The following RHBDL3 variants were observed in gnomAD, a reference collection of about 807,000 sequenced individuals.
The protein encoded by RHBDL3 is rhomboid-related protein 3.
A neutral mutation model predicts 48.2 loss-of-function variants in RHBDL3; 28 were observed. The ratio of observed to expected loss-of-function variants is 0.58; its 90% confidence interval spans 0.43 to 0.80. The LOEUF (loss-of-function observed/expected upper bound fraction) is 0.80, where lower values mean the gene tolerates loss of function less well. RHBDL3 is among the 30% of genes least tolerant of loss of function. The pLI, the probability that RHBDL3 is intolerant of heterozygous loss-of-function variation, is 0.00. For missense variants in RHBDL3, 464 were observed against 542.7 expected, an observed-to-expected ratio of 0.85 and a Z score of 1.44; for synonymous variants, 208 against 232.3, an observed-to-expected ratio of 0.90 and a Z score of 0.95.
rs1156824738 is a variant in RHBDL3, at chr17:32,295,908, G to A, written c.668+1466G>A. On this transcript the variant is annotated intron_variant, in intron 5 of 8. Transcript: ENST00000269051. Reference sequence around the variant, plus strand: ...AAGATGTAGTCACAGGTAGTATAGGGAGGAAGGTGTTCACAGGGTCAGAAA... The same window carrying A: ...AAGATGTAGTCACAGGTAGTATAGGAAGGAAGGTGTTCACAGGGTCAGAAA... Among the ~76,000 whole-genome samples, 5 of 152,318 alleles carry A rather than the reference G, an allele frequency of 3.3e-5. No individual in the cohort carries two copies. In the East Asian group the frequency reaches 5.8e-4, roughly 18 times the overall value.
Position 32,266,113 on chromosome 17 carries a change from C to A in RHBDL3, c.-77C>A. 2.5e-6 allele frequency: 1 copy of A among 397,898 alleles called. No individual in the cohort carries two copies. Among genetic ancestry groups the A allele is most frequent in the Non-Finnish European group, 3.5e-6 (1 of 287,406 alleles). 24.6% of individuals were successfully genotyped at this position (397,898 alleles called of 1,614,324 possible). A position where few individuals can be genotyped will look rare whatever the true frequency, so the allele number is the denominator to read the frequency against. ...GCACTGAGCCCCTGGAGCGGCGCGGCCGCCGCGGCGCAAAGTTAGCCCGGC... is the reference window on the plus strand; with the variant it reads ...GCACTGAGCCCCTGGAGCGGCGCGGACGCCGCGGCGCAAAGTTAGCCCGGC... On this transcript the variant is annotated 5_prime_UTR_variant, in exon 1 of 9. Transcript: ENST00000269051.
intron 7 of RHBDL3, among the ~76,000 whole-genome samples, chr17:32,313,548 C>T (rs1264268469): frequency 3.3e-5 from 5 of 152,040 alleles, no homozygotes; most frequent in Non-Finnish European, 5.9e-5. Context: ...AAACTCTGTA[C>T]CCACTAAACA....
At chr17:32,315,703 A>G (rs961740812) in intron 7 of RHBDL3, among the ~76,000 whole-genome samples, 1 of 151,656 alleles carries the variant, frequency 6.6e-6, no homozygotes, top group African/African-American at 2.4e-5. Flanking sequence ...CATCCATTGC[A>G]TCTTCTGCTT....
Position 32,288,882 on chromosome 17 carries a change from C to T in RHBDL3, c.385C>T (p.Leu129=), listed in dbSNP as rs1289628808. 9 of 1,614,102 alleles carry T rather than the reference C, an allele frequency of 5.6e-6. No individual in the cohort carries two copies. Among genetic ancestry groups the T allele is most frequent in the Non-Finnish European group, 7.6e-6 (9 of 1,180,044 alleles). The stretch of plus-strand genomic sequence containing the variant: ...CAAGGCCCTGCTGGAGGAGAAGGGG[C>T]TGAGCCTCTCGCAGCGACTTATCCG... ...SSKALLEEKG[L]SLSQRLIRHV... The change falls in exon 4 of 9, where the codon CTG becomes TTG. Residue 129 remains leucine, a synonymous_variant. Coordinates refer to ENST00000269051, the MANE Select transcript of RHBDL3 (RefSeq NM_138328.3).
chr17:32,269,302 C>A (rs1042747951), intron 2 of RHBDL3, among the ~76,000 whole-genome samples: 2 of 152,184 alleles, frequency 1.3e-5, no homozygotes, highest in African/African-American at 4.8e-5. Context: ...GAGCCACGAT[C>A]GTGCTACTGC....
Position 32,294,451 on chromosome 17 carries a change from C to G in RHBDL3, c.668+9C>G. 6.2e-7 allele frequency: 1 copy of G among 1,612,036 alleles called. No individual in the cohort carries two copies. Among genetic ancestry groups the G allele is most frequent in the Non-Finnish European group, 8.5e-7 (1 of 1,179,126 alleles). On this transcript the variant is annotated intron_variant, in intron 5 of 8. Coordinates refer to ENST00000269051, the MANE Select transcript of RHBDL3 (RefSeq NM_138328.3). Reference sequence around the variant, plus strand: ...ATCTTCATGCATGCAGGGTGAGTACCTGTCTTCTTTTGCTCTGTCAAAAGA... The same window carrying G: ...ATCTTCATGCATGCAGGGTGAGTACGTGTCTTCTTTTGCTCTGTCAAAAGA...
intron 3 of RHBDL3, among the ~76,000 whole-genome samples, chr17:32,285,905 A>G (rs1170836257): frequency 6.6e-6 from 1 of 152,154 alleles, no homozygotes; most frequent in Non-Finnish European, 1.5e-5. Flanking sequence ...AGATGTTTCA[A>G]CAGCCTCTTG....
In RHBDL3 at chr17:32,294,437, T is replaced by C. The variant is rs201576733; in HGVS notation, c.663T>C (p.His221=). The change falls in exon 5 of 9, where the codon CAT becomes CAC. Residue 221 remains histidine, a synonymous_variant. Transcript: ENST00000269051. The part of the protein sequence containing the change: ...VWRYLTYIFM[H]AGIEHLGLNV... ...GCTACCTGACATACATCTTCATGCA[T>C]GCAGGGTGAGTACCTGTCTTCTTTT... is the stretch of plus-strand genomic sequence containing the variant. 4 of 1,613,888 alleles carry C rather than the reference T, an allele frequency of 2.5e-6. No individual in the cohort carries two copies. Among genetic ancestry groups the C allele is most frequent in the East Asian group, 2.2e-5 (1 of 44,872 alleles).
At chr17:32,296,458 C>T (rs1381119116) in intron 5 of RHBDL3, among the ~76,000 whole-genome samples, 1 of 150,804 alleles carries the variant, frequency 6.6e-6, no homozygotes, top group Non-Finnish European at 1.5e-5. Context: ...TCCTCAGCCC[C>T]CTGAGTAGCT....
At chr17:32,277,967 C>G (rs1289474936) in intron 2 of RHBDL3, among the ~76,000 whole-genome samples, 1 of 152,208 alleles carries the variant, frequency 6.6e-6, no homozygotes, top group Non-Finnish European at 1.5e-5. Flanking sequence ...CAGGTACCAT[C>G]AGGTACCTGG....
chr17:32,273,592 TC>T (rs1206985187), intron 2 of RHBDL3, among the ~76,000 whole-genome samples: 2 of 152,060 alleles, frequency 1.3e-5, no homozygotes, highest in Non-Finnish European at 2.9e-5. Context: ...CCTAGTACCT[TC>T]CCCCCTACGT....
intron 3 of RHBDL3, 32 bp downstream of exon 3, chr17:32,284,849 G>C: frequency 6.3e-7 from 1 of 1,597,678 alleles, no homozygotes; most frequent in Non-Finnish European, 8.6e-7. Flanking sequence ...GTACTCGGGG[G>C]GACCTGTTTG....
chr17:32,304,713 T>C lies in RHBDL3; in HGVS notation c.782-628T>C, dbSNP rs1231478009. Among the ~76,000 whole-genome samples the C allele has an allele frequency of 2.6e-5, 4 of 152,186 alleles. No individual in the cohort carries two copies. The East Asian group carries it at 7.7e-4, about 29-fold the overall frequency. Reference sequence around the variant, plus strand: ...AGCACCATGTCAGGCAGACATTGGATTGAGAGGCAGATAATCCAGGTAGAA... The same window carrying C: ...AGCACCATGTCAGGCAGACATTGGACTGAGAGGCAGATAATCCAGGTAGAA... On this transcript the variant is annotated intron_variant, in intron 6 of 8. Transcript: ENST00000269051.
chr17:32,286,342 G>A (rs886535243), intron 3 of RHBDL3, among the ~76,000 whole-genome samples: 2 of 152,186 alleles, frequency 1.3e-5, no homozygotes, highest in Non-Finnish European at 2.9e-5. Flanking sequence ...AGATTTCTCT[G>A]TTCAAATTCT....
chr17:32,267,992 T>C, intron 2 of RHBDL3, 67 bp downstream of exon 2: 1 of 1,254,504 alleles, frequency 8.0e-7, no homozygotes, highest in Non-Finnish European at 1.2e-6. Context: ...TCTCCCTGCT[T>C]GCGTGGGCTT....
intron 1 of RHBDL3, chr17:32,267,644 ACACCCACCTTGCCGCCCCCGCCCC>A: frequency 4.1e-6 from 2 of 492,462 alleles, no homozygotes; most frequent in Non-Finnish European, 5.3e-6. Context: ...AGAACCAGCA[ACACCCACCTTGCCGCCCCCGCCCC>A]CACCCCATCC....
At chr17:32,303,505 A>T (rs1407693287) in intron 6 of RHBDL3, among the ~76,000 whole-genome samples, 1 of 152,224 alleles carries the variant, frequency 6.6e-6, no homozygotes, top group Non-Finnish European at 1.5e-5. Context: ...GTGGCTAAGC[A>T]GTAAAAAAAG....
chr17:32,273,247 C>T (rs796690428), intron 2 of RHBDL3, among the ~76,000 whole-genome samples: 2 of 152,306 alleles, frequency 1.3e-5, no homozygotes, highest in African/African-American at 4.8e-5. Context: ...GGTGATTCAC[C>T]CGCCTTGGCC....
chr17:32,275,847 C>T (rs894344176), intron 2 of RHBDL3, among the ~76,000 whole-genome samples: 34 of 152,306 alleles, frequency 2.2e-4, no homozygotes, highest in East Asian at 5.8e-4. Context: ...ATCCCAGAAT[C>T]GTGGAGGCTT....
Sources: allele counts gnomAD v4.1 joint callset (sites outside exome capture counted in the v4.1 genomes callset), GRCh38; gene constraint gnomAD v4.1.1; transcripts MANE v1.5; gene names NCBI Gene and HGNC (gene_info 2026-07-23, HGNC 2026-07-21).